GABRB3: variants seen among roughly 807,000 people sequenced by gnomAD.
GABRB3 encodes the protein gamma-aminobutyric acid receptor subunit beta-3.
GABRB3 carries 14 observed loss-of-function variants against 52.1 expected under a neutral mutation model. The observed-to-expected ratio is 0.27, with a 90% CI of 0.18 to 0.42. The LOEUF (loss-of-function observed/expected upper bound fraction) is 0.42. GABRB3 is among the 10% of genes least tolerant of loss of function. The probability of loss-of-function intolerance (pLI) is 1.00; values close to 1 mark genes in which losing one functional copy is unlikely to be tolerated. For synonymous variants in GABRB3, 260 were observed against 232.3 expected, an observed-to-expected ratio of 1.12 and a Z score of -1.08; for missense variants, 307 against 609.1, an observed-to-expected ratio of 0.50 and a Z score of 5.22.
At chr15:26,556,582 C>T (rs1889760411) in intron 8 of GABRB3, among the ~76,000 whole-genome samples, 1 of 152,098 alleles carries the variant, frequency 6.6e-6, no homozygotes, top group African/African-American at 2.4e-5. Context: ...GGTATAGAAA[C>T]AACTCAGGAA....
At chr15:26,677,495 G>A (rs17646872) in intron 3 of GABRB3, among the ~76,000 whole-genome samples, 18,495 of 152,030 alleles carry the variant, frequency 0.12, 1,195 homozygotes, top group African/African-American at 0.15. Context: ...TTCTCCACCC[G>A]GGAGACACCA....
intron 8 of GABRB3, chr15:26,557,702 T>C (rs1390886863): frequency 1.3e-5 from 2 of 152,170 alleles, no homozygotes; most frequent in Non-Finnish European, 2.9e-5. Flanking sequence ...TAAGTACCGA[T>C]CTACAATACA....
chr15:26,694,693 T>A (rs1003921117), intron 3 of GABRB3, among the ~76,000 whole-genome samples: 1 of 152,090 alleles, frequency 6.6e-6, no homozygotes, highest in Non-Finnish European at 1.5e-5. Flanking sequence ...AAAAACACAG[T>A]CTGGAGACAG....
chr15:26,641,052 G>T (rs1893186475), intron 3 of GABRB3, among the ~76,000 whole-genome samples: 1 of 152,278 alleles, frequency 6.6e-6, no homozygotes, highest in East Asian at 1.9e-4. Flanking sequence ...GCTGTCTCCT[G>T]CTATGCCCTG....
At chr15:26,601,219 T>C (rs1476616268) in intron 4 of GABRB3, among the ~76,000 whole-genome samples, 1 of 152,056 alleles carries the variant, frequency 6.6e-6, no homozygotes. Flanking sequence ...AGGTCGAGTT[T>C]GAAACCAGCC....
At chr15:26,616,317 T>C (rs906511484) in intron 4 of GABRB3, among the ~76,000 whole-genome samples, 3 of 147,664 alleles carry the variant, frequency 2.0e-5, no homozygotes, top group African/African-American at 5.1e-5. Context: ...ATGAGTTTAA[T>C]GATCAGGGTT....
chr15:26,678,712 C>T (rs1157869482), intron 3 of GABRB3, among the ~76,000 whole-genome samples: 2 of 152,092 alleles, frequency 1.3e-5, no homozygotes, highest in Non-Finnish European at 2.9e-5. Context: ...TCTCAACCCA[C>T]CCAGGAAGGT....
intron 7 of GABRB3, among the ~76,000 whole-genome samples, chr15:26,566,506 G>A (rs7181335): frequency 0.023 from 3,450 of 152,222 alleles, 133 homozygotes; most frequent in African/African-American, 0.079. Context: ...TGGGCAGATC[G>A]CTTGAGGCCA....
intron 3 of GABRB3, among the ~76,000 whole-genome samples, chr15:26,742,310 T>C (rs1310772159): frequency 6.6e-6 from 1 of 152,100 alleles, no homozygotes; most frequent in East Asian, 1.9e-4. Flanking sequence ...GGCGTGAATA[T>C]TGTCCCATCC....
chr15:26,596,887 G>A (rs999823688), intron 4 of GABRB3, among the ~76,000 whole-genome samples: 1 of 152,142 alleles, frequency 6.6e-6, no homozygotes, highest in African/African-American at 2.4e-5. Context: ...TAAGTCCAAG[G>A]TAGAGAACGT....
rs553868977 is a variant in GABRB3, at chr15:26,754,993, A to C, written c.240+17409T>G. On this transcript the variant is annotated intron_variant, in intron 3 of 8. Coordinates refer to ENST00000311550, the MANE Select transcript of GABRB3 (RefSeq NM_000814.6). ...TGGAACTCCAGATAAAAATGGTTAG[A>C]GCCTCTAACAACTTTTTTTTTTTTT... 4.4e-3 allele frequency among the ~76,000 whole-genome samples: 631 copies of C among 144,540 alleles called. 3 individuals are homozygous for C. Among genetic ancestry groups the C allele is most frequent in the African/African-American group, 0.016 (613 of 39,260 alleles). The allele number at this position is 144,540 out of a possible 152,430, so 94.8% of individuals were successfully genotyped here. A position where few individuals can be genotyped will look rare whatever the true frequency, so the allele number is the denominator to read the frequency against.
intron 3 of GABRB3, among the ~76,000 whole-genome samples, chr15:26,744,205 C>T (rs944079745): frequency 6.6e-6 from 1 of 152,122 alleles, no homozygotes; most frequent in Non-Finnish European, 1.5e-5. Flanking sequence ...GTTCAGGACA[C>T]AGCGGTTGAG....
chr15:26,687,002 G>C (rs1888428128), intron 3 of GABRB3, among the ~76,000 whole-genome samples: 1 of 152,254 alleles, frequency 6.6e-6, no homozygotes, highest in South Asian at 2.1e-4. Context: ...CAGCTCTGGT[G>C]CACCATGGGG....
chr15:26,616,884 A>G (rs1892275566), intron 4 of GABRB3, among the ~76,000 whole-genome samples: 2 of 152,212 alleles, frequency 1.3e-5, no homozygotes, highest in East Asian at 3.9e-4. Flanking sequence ...ACATAATTCT[A>G]TTTTAACAGA....
chr15:26,750,078 A>T (rs748904261), intron 3 of GABRB3: 2 of 152,052 alleles, frequency 1.3e-5, no homozygotes, highest in African/African-American at 2.4e-5. Context: ...TCTCTCTTCG[A>T]TTTCTTCTTC....
chr15:26,587,553 C>G (rs572253024), intron 4 of GABRB3, among the ~76,000 whole-genome samples: 1 of 152,206 alleles, frequency 6.6e-6, no homozygotes, highest in South Asian at 2.1e-4. Context: ...GGAGAGTGGG[C>G]CTTTTGAGTG....
chr15:26,688,669 T>G (rs1007267628), intron 3 of GABRB3, among the ~76,000 whole-genome samples: 1 of 152,228 alleles, frequency 6.6e-6, no homozygotes, highest in African/African-American at 2.4e-5. Context: ...TAAAGGCTAC[T>G]GTGATCCACA....
intron 3 of GABRB3, among the ~76,000 whole-genome samples, chr15:26,709,245 C>T (rs537373272): frequency 2.6e-5 from 4 of 152,272 alleles, no homozygotes; most frequent in Admixed American, 1.3e-4. Context: ...CTGGGTCATG[C>T]GGGTGGAGAC....
chr15:26,676,653 A>G (rs1271166818), intron 3 of GABRB3, among the ~76,000 whole-genome samples: 1 of 152,234 alleles, frequency 6.6e-6, no homozygotes, highest in Non-Finnish European at 1.5e-5. Flanking sequence ...TCAGTTTCTT[A>G]GGCATACATA....
Sources: allele counts gnomAD v4.1 joint callset (sites outside exome capture counted in the v4.1 genomes callset), GRCh38; gene constraint gnomAD v4.1.1; transcripts MANE v1.5; gene names NCBI Gene and HGNC (gene_info 2026-07-23, HGNC 2026-07-21).